The following PLOD2 variants were observed in gnomAD, a reference collection of about 807,000 sequenced individuals.
PLOD2 encodes the protein lysine hydroxylase 2.
Under a neutral mutation model 101.0 loss-of-function variants are expected in PLOD2, and 65 were observed. The ratio of observed to expected loss-of-function variants is 0.64; its 90% CI spans 0.53 to 0.79. The LOEUF is 0.79. Among genes scored for constraint, PLOD2 ranks in the 30% least tolerant of loss-of-function variants. The pLI is 0.00. For synonymous variants in PLOD2, 314 were observed against 302.9 expected (o/e 1.04, Z -0.38); for missense variants, 909 against 914.6 (o/e 0.99, Z 0.08).
At position 146,070,742 on chromosome 3, in the gene PLOD2, A is replaced by G. The variant is rs970704574; in HGVS notation, c.2252T>C (p.Ile751Thr). The G allele has an allele frequency of 6.2e-7, 1 of 1,607,472 alleles. No individual in the cohort carries two copies. The highest frequency in any genetic ancestry group is 2.2e-5 in the East Asian group (1 of 44,770). Reference protein sequence around the residue: ...GLPVKNGTRYIAVSFIDP With the variant: ...GLPVKNGTRYTAVSFIDP The stretch of plus-strand genomic sequence containing the variant: ...TTAGGGATCTATAAATGACACTGCA[A>G]TGTATCTTGTTCCATTTTTAACAGG... The change falls in exon 20 of 20, where the codon ATT (isoleucine) becomes ACT (threonine). Residue 751 changes from isoleucine to threonine, a missense_variant. Transcript: ENST00000282903.
intron 13 of PLOD2, among the ~76,000 whole-genome samples, chr3:146,078,322 T>C (rs963914482): frequency 2.6e-5 from 4 of 151,716 alleles, no homozygotes; most frequent in African/African-American, 9.7e-5. Context: ...CACAGGTTTG[T>C]AGAGAAAACA....
intron 1 of PLOD2, among the ~76,000 whole-genome samples, chr3:146,144,114 C>T (rs1263841247): frequency 6.6e-6 from 1 of 152,124 alleles, no homozygotes; most frequent in African/African-American, 2.4e-5. Context: ...GAAAACAGTA[C>T]TTATAATGGT....
At chr3:146,081,029 G>A (rs1001389667) in intron 12 of PLOD2, among the ~76,000 whole-genome samples, 1 of 151,772 alleles carries the variant, frequency 6.6e-6, no homozygotes, top group Non-Finnish European at 1.5e-5. Flanking sequence ...AGGCTGACAT[G>A]TTTGAGAACT....
intron 8 of PLOD2, among the ~76,000 whole-genome samples, chr3:146,091,082 CT>C (rs1427879406): frequency 6.6e-6 from 1 of 151,798 alleles, no homozygotes; most frequent in Admixed American, 6.6e-5. Context: ...ATATTTTCAA[CT>C]CTTTGTTCAC....
chr3:146,081,893 G>A, intron 11 of PLOD2, 30 bp from the exon 12 acceptor site: 1 of 1,591,132 alleles, frequency 6.3e-7, no homozygotes, highest in Non-Finnish European at 8.6e-7. Flanking sequence ...GTGTGAGAGA[G>A]AGAAACCTAT....
chr3:146,153,872 G>A (rs140939207), intron 1 of PLOD2, among the ~76,000 whole-genome samples: 144 of 150,956 alleles, frequency 9.5e-4, no homozygotes, highest in African/African-American at 3.3e-3. Flanking sequence ...TTAAATCAGA[G>A]GAAAGTCCTA....
At chr3:146,121,627 T>C (rs2030162915) in intron 2 of PLOD2, among the ~76,000 whole-genome samples, 2 of 152,130 alleles carry the variant, frequency 1.3e-5, no homozygotes, top group South Asian at 2.1e-4. Context: ...ATGATCAACA[T>C]TGAAGCTCAG....
chr3:146,151,393 A>C (rs554220172), intron 1 of PLOD2, among the ~76,000 whole-genome samples: 6 of 152,180 alleles, frequency 3.9e-5, no homozygotes, highest in Admixed American at 6.5e-5. Flanking sequence ...GCAACTGAGG[A>C]GGCTGAGGCA....
At chr3:146,122,091 A>C (rs566438187) in intron 2 of PLOD2, among the ~76,000 whole-genome samples, 1 of 152,314 alleles carries the variant, frequency 6.6e-6, no homozygotes, top group African/African-American at 2.4e-5. Flanking sequence ...GGATAAAATA[A>C]AATTTAATAA....
chr3:146,157,286 G>A (rs1259237784), intron 1 of PLOD2, among the ~76,000 whole-genome samples: 2 of 152,128 alleles, frequency 1.3e-5, no homozygotes, highest in Non-Finnish European at 2.9e-5. Context: ...ATAAAACTCA[G>A]CCCTTCACTT....
chr3:146,076,892 C>T lies in PLOD2; in HGVS notation c.1567G>A (p.Val523Ile), dbSNP rs1285399632. 2.0e-6 allele frequency: 3 copies of T among 1,519,068 alleles called. No homozygotes were observed. The highest frequency in any genetic ancestry group is 1.4e-5 in the African/African-American group (1 of 72,736). 94.1% of individuals were successfully genotyped at this position (1,519,068 alleles called of 1,614,324 possible). The change falls in exon 15 of 20, where the codon GTA becomes ATA. Residue 523 changes from valine (V) to isoleucine (I), a missense_variant. Coordinates refer to ENST00000282903, the MANE Select transcript of PLOD2 (RefSeq NM_182943.3). ...TGTCTATTAGAAATGTACATAAATACACCCTATATGCCAGAAAATAACAGT... is the reference window on the plus strand; with the variant it reads ...TGTCTATTAGAAATGTACATAAATATACCCTATATGCCAGAAAATAACAGT... ...TFQMLSPPKGVFMYISNRHEF... is the reference protein window; with the variant it reads ...TFQMLSPPKGIFMYISNRHEF...
chr3:146,076,958 G>A, intron 14 of PLOD2, 63 bp from the exon 15 acceptor site: 2 of 1,346,098 alleles, frequency 1.5e-6, no homozygotes, highest in Non-Finnish European at 2.1e-6. Flanking sequence ...TTTAATCATA[G>A]GAAAAATATA....
intron 2 of PLOD2, 66 bp from the exon 3 acceptor site, chr3:146,121,314 TAA>T (rs1228339606): frequency 1.1e-5 from 15 of 1,337,890 alleles, no homozygotes; most frequent in Non-Finnish European, 1.5e-5. Flanking sequence ...ATGAAAAACT[TAA>T]AGACATCATC....
intron 1 of PLOD2, among the ~76,000 whole-genome samples, chr3:146,160,346 G>A (rs2032510060): frequency 6.6e-6 from 1 of 152,216 alleles, no homozygotes; most frequent in African/African-American, 2.4e-5. Flanking sequence ...CCGCCTGGAG[G>A]TACTGGGTAG....
intron 5 of PLOD2, 149 bp downstream of exon 5, chr3:146,106,383 T>C: frequency 4.6e-6 from 3 of 653,024 alleles, no homozygotes; most frequent in Non-Finnish European, 5.6e-6. Flanking sequence ...CAATCTCACC[T>C]ATTAAAATAT....
rs35165681 is a variant in PLOD2 at position 146,097,312 on chromosome 3, T to C, written c.778-5411A>G. Reference sequence around the variant, plus strand: ...TCTGGGAGGTGTGCCCAGCGGCTCATTGGGGATGGGCCATGATGACAATGG... The same window carrying C: ...TCTGGGAGGTGTGCCCAGCGGCTCACTGGGGATGGGCCATGATGACAATGG... On this transcript the variant is annotated intron_variant, in intron 7 of 19. Coordinates refer to ENST00000282903, the MANE Select transcript of PLOD2 (RefSeq NM_182943.3). Among the ~76,000 whole-genome samples the C allele has an allele frequency of 1.6e-4, 23 of 147,814 alleles. No individual in the cohort carries two copies. In the East Asian group the frequency reaches 3.6e-3, roughly 23 times the overall value.
At chr3:146,107,622 ATTTTTTTTTTT>A (rs71158215) in intron 4 of PLOD2, among the ~76,000 whole-genome samples, 3 of 68,868 alleles carry the variant, frequency 4.4e-5, no homozygotes, top group African/African-American at 1.2e-4. Flanking sequence ...TGCCATATAA[ATTTTTTTTTTT>A]TTTTTTTTTT....
intron 1 of PLOD2, among the ~76,000 whole-genome samples, chr3:146,137,893 C>A (rs1219163169): frequency 6.6e-6 from 1 of 151,940 alleles, no homozygotes; most frequent in East Asian, 1.9e-4. Context: ...CAATGAAGGG[C>A]AACGATAAAT....
intron 1 of PLOD2, among the ~76,000 whole-genome samples, chr3:146,160,487 C>T (rs2032519431): frequency 6.6e-6 from 1 of 152,248 alleles, no homozygotes; most frequent in African/African-American, 2.4e-5. Flanking sequence ...TACACTAAGC[C>T]CCGTGTTTAG....
Sources: allele counts gnomAD v4.1 joint callset (sites outside exome capture counted in the v4.1 genomes callset), GRCh38; gene constraint gnomAD v4.1.1; transcripts MANE v1.5; gene names NCBI Gene and HGNC (gene_info 2026-07-23, HGNC 2026-07-21).